COL6A3: variants seen among roughly 807,000 people sequenced by gnomAD.
The protein encoded by COL6A3 is collagen type VI alpha 3 chain, also known as collagen alpha-3(VI) chain.
Under a neutral mutation model 274.1 loss-of-function variants are expected in COL6A3, and 137 were observed. That is an observed-to-expected ratio of 0.50 (90% CI 0.44 to 0.58). The LOEUF is 0.58. COL6A3 is among the 20% of genes least tolerant of loss of function. The probability of loss-of-function intolerance (pLI) is 0.00; values close to 1 mark genes in which losing one functional copy is unlikely to be tolerated. For synonymous variants in COL6A3, 1,650 were observed against 1,650.6 expected, an observed-to-expected ratio of 1.00 and a Z score of 0.01; for missense variants, 3,950 against 4,124.9, an observed-to-expected ratio of 0.96 and a Z score of 1.16.
rs1445352873 is a variant in COL6A3 at position 237,387,782 on chromosome 2, T to C, written c.1112A>G (p.Gln371Arg). The C allele has an allele frequency of 1.2e-6, 2 of 1,614,076 alleles. No homozygotes were observed. Among genetic ancestry groups the C allele is most frequent in the African/African-American group, 1.3e-5 (1 of 75,062 alleles). Residue 371 changes from glutamine to arginine, a missense_variant, in exon 4 of 44, where the codon CAG (glutamine) becomes CGG (arginine). By Grantham distance (43) the Gln-to-Arg change is conservative. Transcript: ENST00000295550. ...AAGGCCGAATGAGAACACGCTAGCC[T>C]GCTTCAGTGCTACCACCCCGTAGCG... ...EIRYGVVALK[Q>R]ASVFSFGLGA...
Position 237,361,735 on chromosome 2 carries a change from G to C in COL6A3, c.6156+4C>G. 6.2e-7 allele frequency: 1 copy of C among 1,613,794 alleles called. No individual in the cohort carries two copies. On this transcript the variant is annotated splice_donor_region_variant and intron_variant, in intron 15 of 43. Transcript: ENST00000295550. This position sits in a 1 kb window ranked among gnomAD's most constrained non-coding sequence, Gnocchi z 5.1. ...AGGCGTGGGCAAGGGTAAAGCCACCGTACCTTTGGCCCGATGCTGCCGATG... is the reference window on the plus strand; with the variant it reads ...AGGCGTGGGCAAGGGTAAAGCCACCCTACCTTTGGCCCGATGCTGCCGATG...
In COL6A3 at chr2:237,344,499, G is replaced by A; in HGVS notation, c.7519C>T (p.Leu2507=). ...NTFKRVRNGF[L]MRKVAVFFSN... ...AAGAAAACAGCCACTTTCCTCATTA[G>A]GAATCCGTTCCTCACACGCTTAAAT... The change falls in exon 36 of 44, where the codon CTA becomes TTA. Residue 2507 remains leucine (L), a synonymous_variant. Coordinates refer to ENST00000295550, the MANE Select transcript of COL6A3 (RefSeq NM_004369.4). The surrounding 1 kb of genome is among the most constrained non-coding windows in gnomAD (Gnocchi z 4.8). 1 of 1,614,182 alleles carries A rather than the reference G, an allele frequency of 6.2e-7. No homozygotes were observed. Among genetic ancestry groups the A allele is most frequent in the Non-Finnish European group, 8.5e-7 (1 of 1,180,046 alleles).
chr2:237,394,996 T>C lies in COL6A3; in HGVS notation c.300A>G (p.Gln100=), dbSNP rs1338813028. The change falls in exon 3 of 44, where the codon CAA becomes CAG. Residue 100 remains glutamine (Q), a synonymous_variant. Transcript: ENST00000295550. ...EFLLNTYRTK[Q]EVLSHISNMS... is the part of the protein sequence containing the mutation. ...TGTTGGAAATATGAGAAAGGACTTC[T>C]TGTTTAGTACGATACGTATTTAACA... 2.5e-6 allele frequency: 4 copies of C among 1,614,102 alleles called. No homozygotes were observed. The East Asian group carries it at 6.7e-5, about 27-fold the overall frequency.
chr2:237,380,834 AAC>A, intron 5 of COL6A3, 79 bp downstream of exon 5: 2 of 1,292,462 alleles, frequency 1.5e-6, no homozygotes, highest in Non-Finnish European at 2.2e-6. Context: ...GCTAAACACA[AAC>A]ACACTTCATT....
At chr2:237,354,575 C>T (rs139190615) in intron 24 of COL6A3, among the ~76,000 whole-genome samples, 1 of 152,256 alleles carries the variant, frequency 6.6e-6, no homozygotes, top group Non-Finnish European at 1.5e-5. Context: ...TACCTATGAC[C>T]TGGAAGCCTC....
rs373550111 is a variant in COL6A3 at position 237,336,302 on chromosome 2, G to A, written c.8798C>T (p.Pro2933Leu). The change falls in exon 40 of 44, where the codon CCA (proline) becomes CTA (leucine). Residue 2933 changes from proline to leucine, a missense_variant. Pro to Leu is a moderately conservative substitution (Grantham distance 98). This residue lies in a region of COL6A3 where 1,284 missense variants were observed against 1,349.7 expected (regional missense o/e 0.95). Coordinates refer to ENST00000295550, the MANE Select transcript of COL6A3 (RefSeq NM_004369.4). ...VATKMATVRP[P>L]VAVKPATAAK... is the part of the protein sequence containing the mutation. ...TGCCGTTGCTGGCTTCACCGCCACT[G>A]GGGGTCTAACAGTGGCCATCTTTGT... The A allele has an allele frequency of 8.7e-6, 14 of 1,613,280 alleles. No individual in the cohort carries two copies. In the African/African-American group the frequency reaches 1.3e-4, roughly 15 times the overall value.
intron 16 of COL6A3, among the ~76,000 whole-genome samples, 157 bp downstream of exon 16, chr2:237,360,964 C>T (rs1046280379): frequency 6.6e-6 from 1 of 152,198 alleles, no homozygotes; most frequent in South Asian, 2.1e-4. Flanking sequence ...CGTACTTAGA[C>T]ATCCAGGCAA....
intron 32 of COL6A3, among the ~76,000 whole-genome samples, chr2:237,345,660 C>T (rs1251010198): frequency 1.3e-5 from 2 of 152,164 alleles, no homozygotes; most frequent in Non-Finnish European, 2.9e-5. Flanking sequence ...GGGACTGACT[C>T]GTGGCTTCCC....
intron 1 of COL6A3, 40 bp from the exon 2 acceptor site, chr2:237,396,887 G>T: frequency 2.1e-6 from 3 of 1,429,040 alleles, no homozygotes; most frequent in South Asian, 1.2e-5. Context: ...ATCAGTTTTT[G>T]ACTCTCATTA....
At chr2:237,404,298 G>C (rs116415170) in intron 1 of COL6A3, among the ~76,000 whole-genome samples, 3,667 of 152,104 alleles carry the variant, frequency 0.024, 145 homozygotes, top group African/African-American at 0.085. Context: ...TGGAGATAAG[G>C]GTCCATGTTT....
rs1278055115 is a variant in COL6A3 at position 237,336,506 on chromosome 2, C to A, written c.8594G>T (p.Ser2865Ile). ...TGTCGTCACTGGGTTGGATGTAGGA[C>A]TTGAAGTAACGTTATTCGGAACATT... ...QVNVPNNVTS[S>I]PTSNPVTTTK... Residue 2865 changes from serine to isoleucine, a missense_variant, in exon 40 of 44, where the codon AGT (serine) becomes ATT (isoleucine). Coordinates refer to ENST00000295550, the MANE Select transcript of COL6A3 (RefSeq NM_004369.4). The A allele has an allele frequency of 6.2e-7, 1 of 1,614,090 alleles. No individual in the cohort carries two copies. Among genetic ancestry groups the A allele is most frequent in the South Asian group, 1.1e-5 (1 of 91,086 alleles).
chr2:237,347,437 G>T (rs536339340), intron 31 of COL6A3, among the ~76,000 whole-genome samples: 2 of 152,354 alleles, frequency 1.3e-5, no homozygotes, highest in South Asian at 4.1e-4. Context: ...AGAAGCAGTT[G>T]CCATGCCTCA....
chr2:237,369,180 G>A lies in COL6A3; in HGVS notation c.4286-3C>T. On this transcript the variant is annotated splice_polypyrimidine_tract_variant and splice_region_variant and intron_variant, in intron 9 of 43. Coordinates refer to ENST00000295550, the MANE Select transcript of COL6A3 (RefSeq NM_004369.4). The stretch of plus-strand genomic sequence containing the variant: ...GTCTGCAGCATCACTCTCAACTGCT[G>A]CAGATCAAAGAAGAAAAAGGGAAAC... 1 of 1,608,774 alleles carries A rather than the reference G, an allele frequency of 6.2e-7. No homozygotes were observed. Among genetic ancestry groups the A allele is most frequent in the Non-Finnish European group, 8.5e-7 (1 of 1,179,984 alleles).
rs751532649 is a variant in COL6A3 at position 237,336,356 on chromosome 2, G to T, written c.8744C>A (p.Ala2915Glu). 3.1e-6 allele frequency: 5 copies of T among 1,613,556 alleles called. No homozygotes were observed. Among genetic ancestry groups the T allele is most frequent in the Non-Finnish European group, 4.2e-6 (5 of 1,179,672 alleles). Residue 2915 changes from alanine (A) to glutamate (E), a missense_variant, in exon 40 of 44, where the codon GCG becomes GAG. Around this residue, in one of 5 missense-constraint regions of COL6A3, gnomAD observed 1,284 missense variants for 1,349.7 expected, o/e 0.95. Coordinates refer to ENST00000295550, the MANE Select transcript of COL6A3 (RefSeq NM_004369.4). ...VKPAAAKPAP[A>E]KPVAAKPVAT... ...CACAGGCTTGGCAGCCACAGGTTTC[G>T]CAGGGGCCGGCTTTGCAGCGGCTGG...
intron 2 of COL6A3, among the ~76,000 whole-genome samples, chr2:237,395,585 T>A (rs548155023): frequency 6.6e-6 from 1 of 152,324 alleles, no homozygotes; most frequent in African/African-American, 2.4e-5. Context: ...CCAACCATCA[T>A]TTTATAAATT....
At chr2:237,329,386 G>C (rs1052636280) in intron 42 of COL6A3, 2 of 152,140 alleles carry the variant, frequency 1.3e-5, no homozygotes, top group Admixed American at 1.3e-4. Context: ...ATGTAGCTGT[G>C]GTTAAATTTT....
intron 42 of COL6A3, chr2:237,326,091 G>C (rs1019430545): frequency 2.4e-5 from 4 of 168,772 alleles, no homozygotes; most frequent in African/African-American, 9.5e-5. Context: ...CCCCAGAAAA[G>C]AAACTGAATT....
In COL6A3 at chr2:237,363,492, T is replaced by G. The variant is rs540035157; in HGVS notation, c.5918-94A>C. ...ACTACATTTTTAAAGAAAACTTCAGTGTAAAATTTAGCTTTTAACTTAAAT... is the reference window on the plus strand; with the variant it reads ...ACTACATTTTTAAAGAAAACTTCAGGGTAAAATTTAGCTTTTAACTTAAAT... On this transcript the variant is annotated intron_variant, in intron 13 of 43. Transcript: ENST00000295550. The G allele has an allele frequency of 3.5e-6, 5 of 1,434,546 alleles. No individual in the cohort carries two copies. In the South Asian group the frequency reaches 6.0e-5, roughly 17 times the overall value. 88.9% of individuals were successfully genotyped at this position (1,434,546 alleles called of 1,614,324 possible). A position where few individuals can be genotyped will look rare whatever the true frequency, so the allele number is the denominator to read the frequency against.
intron 3 of COL6A3, among the ~76,000 whole-genome samples, chr2:237,391,239 A>G (rs1258118723): frequency 6.6e-6 from 1 of 151,430 alleles, no homozygotes; most frequent in African/African-American, 2.5e-5. Flanking sequence ...TAATTAGAAA[A>G]GACACATGAA....
Sources: allele counts gnomAD v4.1 joint callset (sites outside exome capture counted in the v4.1 genomes callset), GRCh38; gene constraint gnomAD v4.1.1; regional missense constraint gnomAD v4.1.1; non-coding constraint Gnocchi (gnomAD v3.1); transcripts MANE v1.5; gene names NCBI Gene and HGNC (gene_info 2026-07-23, HGNC 2026-07-21).